The following PPARG variants were observed in gnomAD, a reference collection of about 807,000 sequenced individuals.
PPARG encodes the protein peroxisome proliferator-activated receptor gamma.
Under a neutral mutation model 39.2 loss-of-function variants are expected in PPARG, and 17 were observed. The ratio of observed to expected loss-of-function variants is 0.43; its 90% CI spans 0.30 to 0.65. The LOEUF (loss-of-function observed/expected upper bound fraction) is 0.65, where lower values mean the gene tolerates loss of function less well. PPARG is among the 30% of genes least tolerant of loss of function. The pLI is 0.13. For synonymous variants in PPARG, 223 were observed against 215.7 expected, an observed-to-expected ratio of 1.03 and a Z score of -0.30; for missense variants, 406 against 585.9, an observed-to-expected ratio of 0.69 and a Z score of 3.17.
chr3:12,340,171 T>A (rs980812632), intron 2 of PPARG, among the ~76,000 whole-genome samples: 2 of 152,218 alleles, frequency 1.3e-5, no homozygotes, highest in Non-Finnish European at 2.9e-5. Flanking sequence ...GCCCATTGTT[T>A]TCTCCTGCTG....
intron 2 of PPARG, among the ~76,000 whole-genome samples, chr3:12,362,931 T>C: frequency 6.6e-6 from 1 of 152,188 alleles, no homozygotes; most frequent in Non-Finnish European, 1.5e-5. Context: ...TTTCATAGTT[T>C]GTTGTGGTGG....
At chr3:12,406,682 G>C (rs2050685183) in intron 6 of PPARG, 3 of 158,384 alleles carry the variant, frequency 1.9e-5, no homozygotes, top group Admixed American at 1.2e-4. Flanking sequence ...TGGGATTACA[G>C]GTGTGCACGA....
chr3:12,357,199 C>T (rs953395182), intron 2 of PPARG, among the ~76,000 whole-genome samples: 1 of 152,076 alleles, frequency 6.6e-6, no homozygotes, highest in Non-Finnish European at 1.5e-5. Flanking sequence ...CATAGCCCTG[C>T]AGTGGTTCCC....
chr3:12,338,253 A>T (rs1283706607), intron 2 of PPARG, among the ~76,000 whole-genome samples: 1 of 152,248 alleles, frequency 6.6e-6, no homozygotes, highest in Non-Finnish European at 1.5e-5. Flanking sequence ...TACAACTTGT[A>T]ATAAATGTTT....
chr3:12,288,512 C>A (rs1183223200), upstream of PPARG, among the ~76,000 whole-genome samples: 1 of 151,932 alleles, frequency 6.6e-6, no homozygotes, highest in Admixed American at 6.6e-5. Flanking sequence ...GGAGCCGCTC[C>A]GGGGGAACTT....
intron 2 of PPARG, chr3:12,371,782 C>G: frequency 1.7e-6 from 1 of 593,956 alleles, no homozygotes; most frequent in Non-Finnish European, 3.2e-6. Context: ...GAGCAGGTCA[C>G]TTTGCCTCAT....
At chr3:12,399,423 C>G (rs2050385198) in intron 5 of PPARG, 1 of 455,836 alleles carries the variant, frequency 2.2e-6, no homozygotes, top group Admixed American at 2.4e-5. Context: ...GTTTTTCTCC[C>G]TCAAGAAAGA....
intron 4 of PPARG, among the ~76,000 whole-genome samples, chr3:12,387,885 A>AT (rs2049937743): frequency 4.3e-3 from 1 of 232 alleles, no homozygotes; most frequent in Non-Finnish European, 8.5e-3. Context: ...ATCTTGAGTT[A>AT]ATTTTGTATA....
At chr3:12,403,567 G>A (rs564226112) in intron 5 of PPARG, among the ~76,000 whole-genome samples, 1 of 152,134 alleles carries the variant, frequency 6.6e-6, no homozygotes, top group South Asian at 2.1e-4. Context: ...TGTTGCCCAG[G>A]CTGCTCTCAA....
At chr3:12,371,710 C>G in intron 2 of PPARG, 3 of 439,168 alleles carry the variant, frequency 6.8e-6, no homozygotes, top group South Asian at 5.8e-5. Context: ...CTGAGAATGC[C>G]AGGCTCAGAG....
intron 6 of PPARG, among the ~76,000 whole-genome samples, chr3:12,412,390 A>G (rs181636535): frequency 2.1e-4 from 32 of 152,366 alleles, no homozygotes; most frequent in African/African-American, 7.7e-4. Flanking sequence ...ACTCATCTAT[A>G]TAAAACAGTA....
chr3:12,384,655 T>G (rs988434999), intron 4 of PPARG, among the ~76,000 whole-genome samples: 3 of 152,140 alleles, frequency 2.0e-5, no homozygotes, highest in Admixed American at 2.0e-4. Flanking sequence ...CAAAGTGTGG[T>G]CTGGGGCTTG....
chr3:12,295,743 G>A (rs2046764178), intron 1 of PPARG, among the ~76,000 whole-genome samples: 1 of 151,904 alleles, frequency 6.6e-6, no homozygotes. Flanking sequence ...TCGAACTCCT[G>A]ACCTCAGGAG....
At chr3:12,349,733 G>A (rs1449734979) in intron 2 of PPARG, among the ~76,000 whole-genome samples, 1 of 152,144 alleles carries the variant, frequency 6.6e-6, no homozygotes, top group Non-Finnish European at 1.5e-5. Context: ...CATAGTCTGG[G>A]GGAAGACGGA....
At chr3:12,327,812 G>A (rs571211517) in intron 2 of PPARG, among the ~76,000 whole-genome samples, 79 of 152,272 alleles carry the variant, frequency 5.2e-4, no homozygotes, top group African/African-American at 1.8e-3. Context: ...GCTTCTTTCA[G>A]CATCACTCAT....
At chr3:12,416,567 CATT>C in intron 6 of PPARG, 134 bp from the exon 7 acceptor site, 1 of 809,274 alleles carries the variant, frequency 1.2e-6, no homozygotes, top group Non-Finnish European at 2.0e-6. Flanking sequence ...AGTATTTTCT[CATT>C]ATTAAGCATC....
chr3:12,425,719 G>T (rs535539832), intron 7 of PPARG, among the ~76,000 whole-genome samples: 2 of 152,290 alleles, frequency 1.3e-5, no homozygotes, highest in African/African-American at 4.8e-5. Context: ...CTTAAGGGGG[G>T]ACTGCAGATG....
At chr3:12,354,952 A>T (rs2048613238) in intron 2 of PPARG, among the ~76,000 whole-genome samples, 1 of 152,180 alleles carries the variant, frequency 6.6e-6, no homozygotes, top group African/African-American at 2.4e-5. Flanking sequence ...TAATTTTTTT[A>T]AATGATGAAA....
At chr3:12,326,703 AT>A (rs2047703267) in intron 2 of PPARG, among the ~76,000 whole-genome samples, 2 of 151,182 alleles carry the variant, frequency 1.3e-5, no homozygotes, top group Non-Finnish European at 1.5e-5. Flanking sequence ...CTAGGTAGAG[AT>A]TTAGAGTATT....
Sources: gnomAD v4.1 joint callset for allele counts (sites outside exome capture counted in the v4.1 genomes callset) on GRCh38, gnomAD v4.1.1 for gene constraint, MANE v1.5 for transcripts, NCBI Gene and HGNC (gene_info 2026-07-23, HGNC 2026-07-21) for gene names.